The following PTPRK variants were observed in gnomAD, a reference collection of about 807,000 sequenced individuals.
PTPRK encodes protein tyrosine phosphatase receptor type K.
A neutral mutation model predicts 178.0 loss-of-function variants in PTPRK; 75 were observed. The observed-to-expected ratio is 0.42, with a 90% CI of 0.35 to 0.51. The LOEUF is 0.51. Among genes scored for constraint, PTPRK ranks in the 20% least tolerant of loss-of-function variants. PTPRK has a pLI of 0.02. For missense variants in PTPRK, 1,441 were observed against 1,797.8 expected (o/e 0.80, Z 3.59); for synonymous variants, 637 against 620.6 (o/e 1.03, Z -0.39).
At chr6:128,467,155 G>T (rs530436038) in intron 1 of PTPRK, among the ~76,000 whole-genome samples, 1 of 151,944 alleles carries the variant, frequency 6.6e-6, no homozygotes, top group Non-Finnish European at 1.5e-5. Flanking sequence ...GAGCACCACC[G>T]CGCCCGGCTA....
chr6:128,145,607 T>C (rs1305267819), intron 7 of PTPRK, among the ~76,000 whole-genome samples: 2 of 151,980 alleles, frequency 1.3e-5, no homozygotes, highest in Non-Finnish European at 2.9e-5. Context: ...AATAATTGAG[T>C]CCTTATTCTT....
chr6:128,195,295 CA>C (rs1804675353), intron 6 of PTPRK, among the ~76,000 whole-genome samples: 1 of 151,998 alleles, frequency 6.6e-6, no homozygotes, highest in Admixed American at 6.5e-5. Context: ...ATACAACGTA[CA>C]AGCATATTAT....
chr6:128,514,381 T>C (rs886587452), intron 1 of PTPRK, among the ~76,000 whole-genome samples: 3 of 145,836 alleles, frequency 2.1e-5, no homozygotes, highest in African/African-American at 5.4e-5. Flanking sequence ...TGTGTGTGTG[T>C]GTGTGTGTGT....
chr6:128,324,625 C>T (rs1388015904), intron 2 of PTPRK, among the ~76,000 whole-genome samples: 4 of 152,020 alleles, frequency 2.6e-5, no homozygotes, highest in African/African-American at 4.8e-5. Flanking sequence ...AGAATGTTTC[C>T]GCTAAATGGC....
chr6:128,209,088 C>A (rs577526680), intron 6 of PTPRK, among the ~76,000 whole-genome samples: 2 of 152,014 alleles, frequency 1.3e-5, no homozygotes, highest in East Asian at 1.9e-4. Context: ...CCACCCCCCC[C>A]AGGAACACTT....
At chr6:127,999,498 C>T (rs543598252) in intron 15 of PTPRK, among the ~76,000 whole-genome samples, 3 of 152,138 alleles carry the variant, frequency 2.0e-5, no homozygotes, top group Non-Finnish European at 2.9e-5. Flanking sequence ...TTATATTCAA[C>T]CTCTGCCGCC....
At chr6:128,164,028 G>T (rs1291986677) in intron 7 of PTPRK, among the ~76,000 whole-genome samples, 1 of 151,310 alleles carries the variant, frequency 6.6e-6, no homozygotes, top group Non-Finnish European at 1.5e-5. Context: ...ATTCTTTCAA[G>T]TCCTCTCCAT....
intron 1 of PTPRK, among the ~76,000 whole-genome samples, chr6:128,434,015 AC>A (rs1465939716): frequency 6.6e-6 from 1 of 151,672 alleles, no homozygotes; most frequent in African/African-American, 2.4e-5. Context: ...TTAGGCTAAT[AC>A]GAGATAAGAT....
At chr6:127,981,353 C>A in intron 24 of PTPRK, 64 bp from the exon 25 acceptor site, 2 of 1,407,272 alleles carry the variant, frequency 1.4e-6, no homozygotes, top group Non-Finnish European at 1.9e-6. Flanking sequence ...TAACACAGAT[C>A]CATCAGGAAT....
At chr6:128,130,269 T>C (rs1794015069) in intron 7 of PTPRK, among the ~76,000 whole-genome samples, 3 of 152,220 alleles carry the variant, frequency 2.0e-5, no homozygotes, top group East Asian at 1.9e-4. Flanking sequence ...GCAAACATTA[T>C]ATTTTCTCAA....
At chr6:128,425,170 C>T (rs1011963897) in intron 1 of PTPRK, among the ~76,000 whole-genome samples, 1 of 151,712 alleles carries the variant, frequency 6.6e-6, no homozygotes, top group Admixed American at 6.6e-5. Context: ...CTCCGCCTCC[C>T]GGGTTCAAGT....
intron 2 of PTPRK, among the ~76,000 whole-genome samples, chr6:128,358,614 G>GTACAA (rs1834282668): frequency 6.6e-6 from 1 of 152,196 alleles, no homozygotes. Context: ...GGACAGTACA[G>GTACAA]TACAATAACT....
chr6:128,171,448 T>C (rs2114646815), intron 7 of PTPRK, among the ~76,000 whole-genome samples: 1 of 152,162 alleles, frequency 6.6e-6, no homozygotes. Flanking sequence ...AGGCAGGCAC[T>C]TGTAATATGC....
At chr6:127,975,030 T>C (rs1774364917) in intron 27 of PTPRK, among the ~76,000 whole-genome samples, 1 of 152,126 alleles carries the variant, frequency 6.6e-6, no homozygotes, top group Non-Finnish European at 1.5e-5. Context: ...TGTTGGTACA[T>C]GTTAAATGTT....
chr6:128,008,155 G>T, intron 14 of PTPRK: 1 of 904,908 alleles, frequency 1.1e-6, no homozygotes. Flanking sequence ...AAAACATGTA[G>T]TATGAGTCTT....
intron 1 of PTPRK, among the ~76,000 whole-genome samples, chr6:128,467,161 G>A (rs762130855): frequency 9.9e-5 from 15 of 151,924 alleles, no homozygotes; most frequent in African/African-American, 1.5e-4. Flanking sequence ...CACCGCGCCC[G>A]GCTAATTTTT....
chr6:127,985,614 G>T, intron 22 of PTPRK, 107 bp downstream of exon 22: 2 of 1,267,010 alleles, frequency 1.6e-6, no homozygotes, highest in Non-Finnish European at 2.2e-6. Context: ...ATACAAGCAA[G>T]CTGGAACTTC....
intron 6 of PTPRK, among the ~76,000 whole-genome samples, chr6:128,206,570 G>C (rs1433885574): frequency 6.6e-6 from 1 of 151,952 alleles, no homozygotes; most frequent in Non-Finnish European, 1.5e-5. Flanking sequence ...AAATATATAG[G>C]CAGATAAGGC....
intron 13 of PTPRK, among the ~76,000 whole-genome samples, chr6:128,049,151 A>G (rs1199198892): frequency 6.6e-6 from 1 of 152,190 alleles, no homozygotes; most frequent in Non-Finnish European, 1.5e-5. Context: ...ATTCTATCAG[A>G]TTTCATAGCT....
Sources: gnomAD v4.1 joint callset for allele counts (sites outside exome capture counted in the v4.1 genomes callset) on GRCh38, gnomAD v4.1.1 for gene constraint, MANE v1.5 for transcripts, NCBI Gene and HGNC (gene_info 2026-07-23, HGNC 2026-07-21) for gene names.